PLEK: variants seen among roughly 807,000 people sequenced by gnomAD.
PLEK encodes the protein platelet 47 kDa protein.
Under a neutral mutation model 43.9 loss-of-function variants are expected in PLEK, and 25 were observed. That is an observed-to-expected ratio of 0.57 (90% CI 0.41 to 0.79). The LOEUF (loss-of-function observed/expected upper bound fraction) is 0.79. Among genes scored for constraint, PLEK ranks in the 30% least tolerant of loss-of-function variants. PLEK has a pLI of 0.00. For missense variants in PLEK, 396 were observed against 413.3 expected, an observed-to-expected ratio of 0.96 and a Z score of 0.36; for synonymous variants, 152 against 144.4, an observed-to-expected ratio of 1.05 and a Z score of -0.38.
At chr2:68,366,221 A>T (rs572802199) in intron 1 of PLEK, among the ~76,000 whole-genome samples, 21 of 152,348 alleles carry the variant, frequency 1.4e-4, no homozygotes, top group Admixed American at 5.9e-4. Context: ...AATGAGCTGA[A>T]CGTAGTGCCT....
intron 1 of PLEK, 162 bp downstream of exon 1, chr2:68,365,555 G>T: frequency 1.7e-6 from 1 of 605,400 alleles, no homozygotes; most frequent in East Asian, 2.9e-5. Flanking sequence ...AGTGGGGTTA[G>T]GGGAGTGGGG....
intron 6 of PLEK, among the ~76,000 whole-genome samples, chr2:68,389,690 T>G (rs962988135): frequency 4.6e-5 from 7 of 152,182 alleles, no homozygotes; most frequent in Non-Finnish European, 8.8e-5. Flanking sequence ...TTATAAAGAA[T>G]TCATGGACTA....
chr2:68,381,057 G>C (rs374060085), intron 3 of PLEK, among the ~76,000 whole-genome samples, 153 bp downstream of exon 3: 1 of 152,128 alleles, frequency 6.6e-6, no homozygotes, highest in Non-Finnish European at 1.5e-5. Context: ...GTTTACCTGG[G>C]TCTGAAGGAG....
Position 68,382,570 on chromosome 2 carries a change from G to A in PLEK, c.409G>A (p.Glu137Lys). ...GALYLSMKDTEKGIKELNLEK... is the reference protein window; with the variant it reads ...GALYLSMKDTKKGIKELNLEK... ...CTTATATTTGTCCATGAAAGACACT[G>A]AAAAAGGAATAAAAGAACTGAATCT... Residue 137 changes from glutamate to lysine, a missense_variant, in exon 4 of 9, where the codon GAA (glutamate) becomes AAA (lysine). Coordinates refer to ENST00000234313, the MANE Select transcript of PLEK (RefSeq NM_002664.3). The A allele has an allele frequency of 6.3e-7, 1 of 1,599,712 alleles. No homozygotes were observed. Among genetic ancestry groups the A allele is most frequent in the East Asian group, 2.2e-5 (1 of 44,822 alleles).
intron 1 of PLEK, among the ~76,000 whole-genome samples, chr2:68,373,517 T>C (rs1314303255): frequency 1.3e-5 from 2 of 152,006 alleles, no homozygotes; most frequent in Non-Finnish European, 2.9e-5. Context: ...ACATGGCACG[T>C]GTATACATAG....
chr2:68,372,724 C>T (rs965063029), intron 1 of PLEK, among the ~76,000 whole-genome samples: 7 of 152,102 alleles, frequency 4.6e-5, no homozygotes, highest in Admixed American at 1.3e-4. Flanking sequence ...CACATACACA[C>T]AGCATATGGA....
In PLEK at chr2:68,380,793, A is replaced by G; in HGVS notation, c.269A>G (p.Asp90Gly). The G allele has an allele frequency of 6.2e-7, 1 of 1,613,922 alleles. No homozygotes were observed. The highest frequency in any genetic ancestry group is 8.5e-7 in the Non-Finnish European group (1 of 1,179,824). Residue 90 changes from aspartate (D) to glycine (G), a missense_variant, in exon 3 of 9, where the codon GAT becomes GGT. Physicochemically the swap from Asp to Gly is moderately conservative, Grantham distance 94. Coordinates refer to ENST00000234313, the MANE Select transcript of PLEK (RefSeq NM_002664.3). The stretch of plus-strand genomic sequence containing the variant: ...CAGGCAGCCTTCCTGGAGGAGAGAG[A>G]TGCCTGGGTTCGGGATATCAAGAAG... Reference protein sequence around the residue: ...FFQAAFLEERDAWVRDIKKAI... With the variant: ...FFQAAFLEERGAWVRDIKKAI...
At chr2:68,380,964 A>C (rs1353438917) in intron 3 of PLEK, 60 bp downstream of exon 3, 2 of 1,436,284 alleles carry the variant, frequency 1.4e-6, no homozygotes, top group East Asian at 4.6e-5. Context: ...AACATAGCAG[A>C]TCCTGCTCCA....
chr2:68,377,985 A>G (rs914100655), intron 1 of PLEK, among the ~76,000 whole-genome samples: 1 of 152,208 alleles, frequency 6.6e-6, no homozygotes, highest in Non-Finnish European at 1.5e-5. Flanking sequence ...CCCCTGGAAC[A>G]TATAGTTGGG....
chr2:68,373,575 A>G (rs72892083), intron 1 of PLEK, among the ~76,000 whole-genome samples: 24,587 of 132,230 alleles, frequency 0.19, 2,554 homozygotes, highest in African/African-American at 0.35. Flanking sequence ...CTTAAAGTAT[A>G]ATAAAGAAAA....
chr2:68,395,820 G>C lies in PLEK; in HGVS notation c.*4G>C, dbSNP rs1050181. The C allele has an allele frequency of 0.43, 695,294 of 1,607,032 alleles. 154,582 individuals are homozygous for C. Among genetic ancestry groups the C allele is most frequent in the African/African-American group, 0.51 (38,060 of 74,766 alleles). On this transcript the variant is annotated 3_prime_UTR_variant, in exon 9 of 9. Transcript: ENST00000234313. ...GGCCTCCCGAACTGGGAAGTAAAGA[G>C]ACTCCTGCATTCCTCCTCCCCTCCT...
At chr2:68,376,579 C>G (rs1485964420) in intron 1 of PLEK, among the ~76,000 whole-genome samples, 5 of 100,274 alleles carry the variant, frequency 5.0e-5, no homozygotes, top group Non-Finnish European at 9.1e-5. Context: ...TTTATTCAGT[C>G]TTATCTATTA....
At chr2:68,369,137 C>G (rs1454563252) in intron 1 of PLEK, among the ~76,000 whole-genome samples, 1 of 152,218 alleles carries the variant, frequency 6.6e-6, no homozygotes, top group African/African-American at 2.4e-5. Flanking sequence ...TACCCTGAAG[C>G]AGGAACAGTT....
chr2:68,387,229 C>A (rs900595028), intron 5 of PLEK, among the ~76,000 whole-genome samples: 17 of 152,196 alleles, frequency 1.1e-4, no homozygotes, highest in Admixed American at 1.1e-3. Context: ...TGGTCTCGAA[C>A]TCCTGACCTC....
chr2:68,394,221 C>A, intron 8 of PLEK, 45 bp downstream of exon 8: 1 of 1,047,526 alleles, frequency 9.5e-7, no homozygotes, highest in Non-Finnish European at 1.5e-6. Context: ...GCTCAGACTC[C>A]CCTCCCACAC....
At chr2:68,376,816 T>G (rs562427829) in intron 1 of PLEK, among the ~76,000 whole-genome samples, 3 of 152,172 alleles carry the variant, frequency 2.0e-5, no homozygotes, top group African/African-American at 7.2e-5. Flanking sequence ...ACAATTAAGT[T>G]GGCAATAGTC....
intron 4 of PLEK, among the ~76,000 whole-genome samples, chr2:68,383,660 A>C (rs1365322917): frequency 6.6e-6 from 1 of 152,130 alleles, no homozygotes; most frequent in African/African-American, 2.4e-5. Context: ...GGGGAGCAAA[A>C]TGGGATGTAC....
chr2:68,392,957 C>T (rs10496165), intron 6 of PLEK, among the ~76,000 whole-genome samples: 43,153 of 152,120 alleles, frequency 0.28, 6,236 homozygotes, highest in Middle Eastern at 0.37. Context: ...TCCACCTCTT[C>T]GATCTAATAA....
At chr2:68,386,759 C>G (rs1673752113) in intron 5 of PLEK, 73 bp downstream of exon 5, 1 of 1,206,742 alleles carries the variant, frequency 8.3e-7, no homozygotes, top group Admixed American at 1.8e-5. Flanking sequence ...GATTTCAGTT[C>G]ATAGACATCT....
Sources: gnomAD v4.1 joint callset for allele counts (sites outside exome capture counted in the v4.1 genomes callset) on GRCh38, gnomAD v4.1.1 for gene constraint, MANE v1.5 for transcripts, NCBI Gene and HGNC (gene_info 2026-07-23, HGNC 2026-07-21) for gene names.